The following KIF26B variants were observed in gnomAD, a reference collection of about 807,000 sequenced individuals.
The protein encoded by KIF26B is kinesin family member 26B, also known as kinesin-like protein KIF26B.
Under a neutral mutation model 151.2 loss-of-function variants are expected in KIF26B, and 63 were observed. That is an observed-to-expected ratio of 0.42 (90% CI 0.34 to 0.51). The LOEUF (loss-of-function observed/expected upper bound fraction) is 0.51, where lower values mean the gene tolerates loss of function less well. KIF26B is among the 20% of genes least tolerant of loss of function. The pLI, the probability that KIF26B is intolerant of heterozygous loss-of-function variation, is 0.07. For missense variants in KIF26B, 2,813 were observed against 2,913.6 expected (o/e 0.97, Z 0.79); for synonymous variants, 1,357 against 1,262.1 (o/e 1.08, Z -1.59).
intron 5 of KIF26B, among the ~76,000 whole-genome samples, chr1:245,598,592 C>T (rs181270710): frequency 7.2e-5 from 11 of 151,992 alleles, no homozygotes; most frequent in African/African-American, 2.4e-4. Flanking sequence ...CCTCAGCCTC[C>T]AGTCAGGCTG....
chr1:245,350,463 GT>G (rs1672544132), intron 2 of KIF26B, among the ~76,000 whole-genome samples: 2 of 152,106 alleles, frequency 1.3e-5, no homozygotes. Context: ...TGAAGAACGT[GT>G]TGATTCCAGT....
intron 2 of KIF26B, among the ~76,000 whole-genome samples, chr1:245,185,789 C>T (rs914368398): frequency 5.9e-5 from 9 of 152,168 alleles, no homozygotes; most frequent in African/African-American, 2.2e-4. Context: ...TTTGATGAGT[C>T]ATGGGCTGAG....
intron 4 of KIF26B, among the ~76,000 whole-genome samples, chr1:245,492,186 C>G (rs555910569): frequency 2.6e-5 from 4 of 152,316 alleles, no homozygotes; most frequent in Middle Eastern, 3.4e-3. Context: ...TCCTCTGAAC[C>G]CTTGAAGACA....
chr1:245,325,269 C>T (rs1671967217), intron 2 of KIF26B, among the ~76,000 whole-genome samples: 1 of 152,042 alleles, frequency 6.6e-6, no homozygotes, highest in Non-Finnish European at 1.5e-5. Context: ...TCTTGACCTG[C>T]AAAAATAGGC....
At chr1:245,390,818 G>A (rs1248277166) in intron 3 of KIF26B, among the ~76,000 whole-genome samples, 1 of 148,318 alleles carries the variant, frequency 6.7e-6, no homozygotes, top group Non-Finnish European at 1.5e-5. Context: ...TAGCATGATG[G>A]TACATGCCTT....
At chr1:245,479,516 C>T (rs1660115872) in intron 4 of KIF26B, among the ~76,000 whole-genome samples, 1 of 151,572 alleles carries the variant, frequency 6.6e-6, no homozygotes, top group Non-Finnish European at 1.5e-5. Flanking sequence ...CCCATGTATA[C>T]CTTGGTTTGT....
chr1:245,680,823 G>A (rs895843761), intron 10 of KIF26B, among the ~76,000 whole-genome samples: 5 of 152,236 alleles, frequency 3.3e-5, no homozygotes, highest in Non-Finnish European at 5.9e-5. Context: ...CCAGATGCAC[G>A]CGTTCCCCGC....
In KIF26B at chr1:245,637,452, A is replaced by T. The variant is rs150355107; in HGVS notation, c.2099-8669A>T. 6.6e-3 allele frequency among the ~76,000 whole-genome samples: 996 copies of T among 152,046 alleles called. 9 individuals are homozygous for T. Among genetic ancestry groups the T allele is most frequent in the African/African-American group, 0.023 (949 of 41,510 alleles). ...AAATAATTTGCAAATATTTTCTCCC[A>T]TTCCATATGTAGGTTATCTTTTCAC... On this transcript the variant is annotated intron_variant, in intron 9 of 14. Coordinates refer to ENST00000407071, the MANE Select transcript of KIF26B (RefSeq NM_018012.4).
At chr1:245,524,639 G>A (rs968457917) in intron 4 of KIF26B, among the ~76,000 whole-genome samples, 1 of 152,186 alleles carries the variant, frequency 6.6e-6, no homozygotes, top group African/African-American at 2.4e-5. Context: ...ACTGTTTTTT[G>A]TAAATGCTTC....
At chr1:245,557,677 C>A (rs191868490) in intron 5 of KIF26B, among the ~76,000 whole-genome samples, 1 of 152,072 alleles carries the variant, frequency 6.6e-6, no homozygotes, top group African/African-American at 2.4e-5. Flanking sequence ...AAGCTTCAGA[C>A]GCCTGTTCAA....
intron 2 of KIF26B, among the ~76,000 whole-genome samples, chr1:245,314,767 G>A (rs984971472): frequency 3.9e-5 from 6 of 152,140 alleles, no homozygotes; most frequent in East Asian, 1.9e-4. Flanking sequence ...ATCCCAGCAC[G>A]CTTCCTCAAG....
At chr1:245,175,672 C>T (rs1034908759) in intron 2 of KIF26B, among the ~76,000 whole-genome samples, 1 of 152,012 alleles carries the variant, frequency 6.6e-6, no homozygotes, top group African/African-American at 2.4e-5. Context: ...TCACTAAGTC[C>T]ACACATGATT....
At position 245,488,233 on chromosome 1, in the gene KIF26B, C is replaced by T. The variant is rs963919242; in HGVS notation, c.1167-52534C>T. Among the ~76,000 whole-genome samples, 3 of 152,056 alleles carry T rather than the reference C, an allele frequency of 2.0e-5. No individual in the cohort carries two copies. The highest frequency in any genetic ancestry group is 4.4e-5 in the Non-Finnish European group (3 of 68,018). On this transcript the variant is annotated intron_variant, in intron 4 of 14. Transcript: ENST00000407071. This position sits in a 1 kb window ranked among gnomAD's most constrained non-coding sequence, Gnocchi z 4.6. ...CACCACACTGGCCAACCCAGACTTTCCACTGGTACACTGTCTTCATTGCTT... is the reference window on the plus strand; with the variant it reads ...CACCACACTGGCCAACCCAGACTTTTCACTGGTACACTGTCTTCATTGCTT...
intron 2 of KIF26B, among the ~76,000 whole-genome samples, chr1:245,250,436 C>T (rs2941275): frequency 0.99 from 151,110 of 152,320 alleles, 74,971 homozygotes; most frequent in Middle Eastern, 1. Flanking sequence ...GCTTTTCTTC[C>T]TGTGATGGAC....
intron 5 of KIF26B, among the ~76,000 whole-genome samples, chr1:245,594,744 T>C (rs1026307291): frequency 5.3e-5 from 8 of 152,222 alleles, no homozygotes; most frequent in African/African-American, 1.9e-4. Context: ...ATTGAATCTA[T>C]AAATTATTTT....
At chr1:245,420,965 G>A (rs939963649) in intron 4 of KIF26B, among the ~76,000 whole-genome samples, 8 of 152,108 alleles carry the variant, frequency 5.3e-5, no homozygotes, top group African/African-American at 1.7e-4. Flanking sequence ...CGGCTTTGAG[G>A]GTCTTCATTG....
Position 245,572,658 on chromosome 1 carries a change from A to T in KIF26B, c.1351-29919A>T, listed in dbSNP as rs188433719. ...TATTCAGTTGCCTTTCCTAGAAGGA[A>T]TCATCCCGATGATACTATTCCTTAC... On this transcript the variant is annotated intron_variant, in intron 5 of 14. Coordinates refer to ENST00000407071, the MANE Select transcript of KIF26B (RefSeq NM_018012.4). This position sits in a 1 kb window ranked among gnomAD's most constrained non-coding sequence, Gnocchi z 4.2. Among the ~76,000 whole-genome samples the T allele has an allele frequency of 7.9e-5, 12 of 152,346 alleles. No homozygotes were observed. Among genetic ancestry groups the T allele is most frequent in the Middle Eastern group, 3.4e-3 (1 of 294 alleles).
rs12030941 is a variant in KIF26B at position 245,272,084 on chromosome 1, G to T, written c.466-94750G>T. Among the ~76,000 whole-genome samples the T allele has an allele frequency of 3.4e-3, 514 of 152,212 alleles. 6 individuals carry two copies. In the East Asian group the frequency reaches 0.046, roughly 14 times the overall value. ...CATCATGATTCAGTCTTGGTAGTTT[G>T]TATATCTCTAGGAATTTATCCATTT... On this transcript the variant is annotated intron_variant, in intron 2 of 14. Coordinates refer to ENST00000407071, the MANE Select transcript of KIF26B (RefSeq NM_018012.4).
rs1372452695 is a variant in KIF26B, at chr1:245,560,855, T to G, written c.1350+19905T>G. Among the ~76,000 whole-genome samples, 1 of 152,180 alleles carries G rather than the reference T, an allele frequency of 6.6e-6. No individual in the cohort carries two copies. Among genetic ancestry groups the G allele is most frequent in the Non-Finnish European group, 1.5e-5 (1 of 68,034 alleles). ...TCCGCAGACTCCCGTGTGTGTGCTC[T>G]GGAGAGAAAAGATTCTGGATTTGGG... On this transcript the variant is annotated intron_variant, in intron 5 of 14. Coordinates refer to ENST00000407071, the MANE Select transcript of KIF26B (RefSeq NM_018012.4). This position sits in a 1 kb window ranked among gnomAD's most constrained non-coding sequence, Gnocchi z 4.3.
Sources: allele counts gnomAD v4.1 joint callset (sites outside exome capture counted in the v4.1 genomes callset), GRCh38; gene constraint gnomAD v4.1.1; non-coding constraint Gnocchi (gnomAD v3.1); transcripts MANE v1.5; gene names NCBI Gene and HGNC (gene_info 2026-07-23, HGNC 2026-07-21).